The following CELF2 variants were observed in gnomAD, a reference collection of about 807,000 sequenced individuals.
CELF2 encodes the protein CUG triplet repeat RNA-binding protein 2.
Under a neutral mutation model 62.6 loss-of-function variants are expected in CELF2, and 8 were observed. That is an observed-to-expected ratio of 0.13 (90% CI 0.07 to 0.23). The LOEUF (loss-of-function observed/expected upper bound fraction) is 0.23, where lower values mean the gene tolerates loss of function less well. Among genes scored for constraint, CELF2 ranks in the 10% least tolerant of loss-of-function variants. The pLI, the probability that CELF2 is intolerant of heterozygous loss-of-function variation, is 1.00. For synonymous variants in CELF2, 258 were observed against 250.0 expected, an observed-to-expected ratio of 1.03 and a Z score of -0.30; for missense variants, 333 against 671.0, an observed-to-expected ratio of 0.50 and a Z score of 5.56.
At chr10:10,655,586 A>C in the CELF2 span, among the ~76,000 whole-genome samples, 1 of 114,556 alleles carries the variant, frequency 8.7e-6, no homozygotes, top group Non-Finnish European at 1.9e-5. Context: ...CAACTAATTG[A>C]TCTTTGACAA....
chr10:11,255,589 T>C lies in CELF2; in HGVS notation c.404-2149T>C, dbSNP rs1589946270. 6.6e-6 allele frequency among the ~76,000 whole-genome samples: 1 copy of C among 152,172 alleles called. No individual in the cohort carries two copies. Among genetic ancestry groups the C allele is most frequent in the African/African-American group, 2.4e-5 (1 of 41,442 alleles). On this transcript the variant is annotated intron_variant, in intron 4 of 12. Transcript: ENST00000633077. The surrounding 1 kb of genome is among the most constrained non-coding windows in gnomAD (Gnocchi z 5.5). ...TTTACAAGTATTGTGGAATCGTGCCTTTCAACTTGTATTCCTTGGAGCCCT... is the reference window on the plus strand; with the variant it reads ...TTTACAAGTATTGTGGAATCGTGCCCTTCAACTTGTATTCCTTGGAGCCCT...
At chr10:10,546,274 C>A in the CELF2 span, among the ~76,000 whole-genome samples, 123 of 152,282 alleles carry the variant, frequency 8.1e-4, 1 homozygote, top group African/African-American at 2.8e-3. Context: ...AGCACCAAAT[C>A]ATCTCTGTGT....
the CELF2 span, among the ~76,000 whole-genome samples, chr10:10,742,892 T>C: frequency 6.6e-6 from 1 of 152,290 alleles, no homozygotes; most frequent in South Asian, 2.1e-4. Flanking sequence ...GAAGGAGAAA[T>C]TCGTGTTATG....
intron 1 of CELF2, among the ~76,000 whole-genome samples, chr10:11,121,682 C>T (rs1001079619): frequency 1.3e-5 from 2 of 151,880 alleles, no homozygotes; most frequent in Non-Finnish European, 2.9e-5. Flanking sequence ...TTGCCTAGTG[C>T]TAAGAGGCTA....
At chr10:10,628,471 G>A in the CELF2 span, among the ~76,000 whole-genome samples, 1 of 152,066 alleles carries the variant, frequency 6.6e-6, no homozygotes, top group Non-Finnish European at 1.5e-5. Flanking sequence ...TGGGGAGCAG[G>A]ATCTCCACTT....
rs1410690984 is a variant in CELF2, at chr10:11,223,882, T to C, written c.354+6375T>C. ...CAATGGGAAAGTATATTTTAATGCT[T>C]AATAAAAGGCCATTACAAATTGTCT... On this transcript the variant is annotated intron_variant, in intron 3 of 12. Transcript: ENST00000633077. The surrounding 1 kb of genome is among the most constrained non-coding windows in gnomAD (Gnocchi z 5.1). Among the ~76,000 whole-genome samples, 2 of 152,090 alleles carry C rather than the reference T, an allele frequency of 1.3e-5. No individual in the cohort carries two copies. Among genetic ancestry groups the C allele is most frequent in the Admixed American group, 1.3e-4 (2 of 15,278 alleles).
At chr10:10,870,456 TC>T (rs1284838059) in intron 1 of CELF2, among the ~76,000 whole-genome samples, 1 of 152,194 alleles carries the variant, frequency 6.6e-6, no homozygotes, top group Non-Finnish European at 1.5e-5. Context: ...AGACTCACCC[TC>T]ATGGAAACGC....
chr10:10,994,929 C>T (rs1465699144), intron 2 of CELF2, among the ~76,000 whole-genome samples: 1 of 152,156 alleles, frequency 6.6e-6, no homozygotes, highest in African/African-American at 2.4e-5. Flanking sequence ...CACACTTTCC[C>T]TCCATGTCCT....
chr10:11,121,610 G>A (rs771521063), intron 1 of CELF2, among the ~76,000 whole-genome samples: 4 of 152,170 alleles, frequency 2.6e-5, no homozygotes, highest in Non-Finnish European at 4.4e-5. Flanking sequence ...TAGCGACGCA[G>A]ACGTTAGTGA....
the CELF2 span, among the ~76,000 whole-genome samples, chr10:10,650,207 A>G: frequency 6.6e-6 from 1 of 152,232 alleles, no homozygotes; most frequent in African/African-American, 2.4e-5. Flanking sequence ...AAGAAAAATA[A>G]AACAAATAAA....
At chr10:11,095,599 A>G (rs977436854) in intron 1 of CELF2, among the ~76,000 whole-genome samples, 9 of 152,182 alleles carry the variant, frequency 5.9e-5, no homozygotes, top group Non-Finnish European at 1.2e-4. Flanking sequence ...TAACTGTAAC[A>G]ATGAGTTGTC....
chr10:11,239,315 A>C (rs1328057118), intron 3 of CELF2, among the ~76,000 whole-genome samples: 1 of 152,196 alleles, frequency 6.6e-6, no homozygotes, highest in African/African-American at 2.4e-5. Flanking sequence ...GAGCCTGATA[A>C]GCCAAAATCA....
At chr10:10,763,682 C>T in the CELF2 span, among the ~76,000 whole-genome samples, 62 of 152,054 alleles carry the variant, frequency 4.1e-4, no homozygotes, top group Non-Finnish European at 8.2e-4. Flanking sequence ...GGCACGAACG[C>T]GGGAACAGAG....
intron 8 of CELF2, among the ~76,000 whole-genome samples, chr10:11,281,728 A>G (rs2088864978): frequency 6.6e-6 from 1 of 152,224 alleles, no homozygotes; most frequent in Non-Finnish European, 1.5e-5. Context: ...CCGGTGACGG[A>G]GCAAGACCCT....
At position 11,321,773 on chromosome 10, in the gene CELF2, C is replaced by T. The variant is rs888045251; in HGVS notation, c.1294+387C>T. Among the ~76,000 whole-genome samples the T allele has an allele frequency of 1.3e-5, 2 of 152,134 alleles. No homozygotes were observed. Among genetic ancestry groups the T allele is most frequent in the South Asian group, 2.1e-4 (1 of 4,818 alleles). Reference sequence around the variant, plus strand: ...GTTACCTTCTAATTTAATTTTTCATCGATCTCTTCAGATGAAGTTCTTGTC... The same window carrying T: ...GTTACCTTCTAATTTAATTTTTCATTGATCTCTTCAGATGAAGTTCTTGTC... On this transcript the variant is annotated intron_variant, in intron 11 of 12. Coordinates refer to ENST00000633077, the MANE Select transcript of CELF2 (RefSeq NM_001326342.2). The surrounding 1 kb of genome is among the most constrained non-coding windows in gnomAD (Gnocchi z 6.2).
chr10:10,651,291 G>A, the CELF2 span, among the ~76,000 whole-genome samples: 16 of 147,198 alleles, frequency 1.1e-4, no homozygotes, highest in East Asian at 2.1e-3. Context: ...GTGAGGCTGG[G>A]GGAGGGGTGC....
the CELF2 span, among the ~76,000 whole-genome samples, chr10:10,501,931 A>C: frequency 6.6e-6 from 1 of 152,160 alleles, no homozygotes; most frequent in African/African-American, 2.4e-5. Context: ...TAGCAAGCAA[A>C]GAAGTTGCCC....
the CELF2 span, among the ~76,000 whole-genome samples, chr10:10,620,716 C>T: frequency 1.3e-5 from 2 of 150,998 alleles, no homozygotes; most frequent in African/African-American, 4.9e-5. Flanking sequence ...TCCTGGCTAA[C>T]ACGGTGAAAC....
the CELF2 span, among the ~76,000 whole-genome samples, chr10:10,512,560 C>A: frequency 6.6e-6 from 1 of 151,682 alleles, no homozygotes; most frequent in Non-Finnish European, 1.5e-5. Flanking sequence ...TACAGGCATG[C>A]GCCACCAGGC....
Sources: gnomAD v4.1 joint callset for allele counts (sites outside exome capture counted in the v4.1 genomes callset) on GRCh38, gnomAD v4.1.1 for gene constraint, Gnocchi (gnomAD v3.1) non-coding constraint, MANE v1.5 for transcripts, NCBI Gene and HGNC (gene_info 2026-07-23, HGNC 2026-07-21) for gene names.